PLCH2: variants seen among roughly 807,000 people sequenced by gnomAD.
The protein encoded by PLCH2 is phospholipase C eta 2, also known as 1-phosphatidylinositol 4,5-bisphosphate phosphodiesterase eta-2.
A neutral mutation model predicts 134.7 loss-of-function variants in PLCH2; 98 were observed. That is an observed-to-expected ratio of 0.73 (90% CI 0.62 to 0.86). The LOEUF is 0.86. PLCH2 is among the 40% of genes least tolerant of loss of function. The probability of loss-of-function intolerance (pLI) is 0.00; values close to 1 mark genes in which losing one functional copy is unlikely to be tolerated. For missense variants in PLCH2, 1,994 were observed against 1,986.6 expected (o/e 1.00, Z -0.07); for synonymous variants, 974 against 827.5 (o/e 1.18, Z -3.04).
At chr1:2,490,481 G>C (rs1015484189) in intron 10 of PLCH2, among the ~76,000 whole-genome samples, 1 of 150,916 alleles carries the variant, frequency 6.6e-6, no homozygotes, top group African/African-American at 2.4e-5. Flanking sequence ...GGGCTCGGGG[G>C]CGCCGATCTC....
In PLCH2 at chr1:2,476,653, TAC is replaced by T; in HGVS notation, c.66_67del (p.Leu23ProfsTer78). 1 of 1,607,122 alleles carries T rather than the reference TAC, an allele frequency of 6.2e-7. No individual in the cohort carries two copies. The highest frequency in any genetic ancestry group is 8.5e-7 in the Non-Finnish European group (1 of 1,178,052). ...GGAACGGTGGCCTGGCTGGCGGAGG[TAC>T]TCCTCTGGGTTGGAGGGAGTGTGGT... On this transcript the variant is annotated frameshift_variant, in exon 1 of 22. Coordinates refer to ENST00000378486, the MANE Select transcript of PLCH2 (RefSeq NM_014638.4). LOFTEE classifies it high-confidence loss of function.
At chr1:2,489,444 C>T (rs1334470206) in intron 9 of PLCH2, 66 bp downstream of exon 9, 1 of 1,530,304 alleles carries the variant, frequency 6.5e-7, no homozygotes, top group Non-Finnish European at 9.0e-7. Flanking sequence ...CAGTGCCCTG[C>T]TCCAGACAGG....
At chr1:2,463,345 G>A (rs1640911884), upstream of PLCH2, among the ~76,000 whole-genome samples, 1 of 152,236 alleles carries the variant, frequency 6.6e-6, no homozygotes. Context: ...ATTCCAAGGT[G>A]GTGGAGGAGC....
chr1:2,484,151 C>T (rs1642168193), intron 4 of PLCH2, among the ~76,000 whole-genome samples: 1 of 152,090 alleles, frequency 6.6e-6, no homozygotes, highest in Non-Finnish European at 1.5e-5. Context: ...ATGTTGGCTT[C>T]CGTGTGGGTA....
chr1:2,504,196 C>T lies in PLCH2; in HGVS notation c.3234C>T (p.Gly1078=), dbSNP rs1397582850. The T allele has an allele frequency of 3.9e-6, 6 of 1,548,402 alleles. No homozygotes were observed. The highest frequency in any genetic ancestry group is 2.0e-5 in the Admixed American group (1 of 49,278). Residue 1078 remains glycine, a synonymous_variant, in exon 22 of 22, where the codon GGC becomes GGT. Transcript: ENST00000378486. ...YERAPGSQTD[G]RSQPRTLGHL... ...GGGCCCCCGGCAGCCAGACGGACGG[C>T]AGGAGCCAGCCCCGGACCCTGGGCC...
intron 21 of PLCH2, chr1:2,503,669 C>T (rs765292766): frequency 4.3e-4 from 295 of 683,060 alleles, no homozygotes; most frequent in Non-Finnish European, 6.7e-4. Context: ...CCCGGTGTCC[C>T]GTGCTGTCCC....
intron 2 of PLCH2, among the ~76,000 whole-genome samples, chr1:2,443,422 C>A (rs1014853731): frequency 6.6e-6 from 1 of 152,182 alleles, no homozygotes; most frequent in African/African-American, 2.4e-5. Flanking sequence ...CCTGGGCAAA[C>A]GCCCAGCCTG....
chr1:2,465,512 G>A (rs1020058131), upstream of PLCH2, among the ~76,000 whole-genome samples: 8 of 152,168 alleles, frequency 5.3e-5, no homozygotes, highest in African/African-American at 1.9e-4. Flanking sequence ...TTCAAACGAG[G>A]AGAAAATTAA....
At chr1:2,435,150 GAGGAGTGGAGCTCACCAGGACGA>G (rs564468002) in intron 2 of PLCH2, among the ~76,000 whole-genome samples, 2 of 152,312 alleles carry the variant, frequency 1.3e-5, no homozygotes, top group Admixed American at 6.5e-5. Flanking sequence ...CTGCTGGGAG[GAGGAGTGGAGCTCACCAGGACGA>G]AGGAGAGCAT....
chr1:2,460,027 G>T (rs995288530), intron 2 of PLCH2, among the ~76,000 whole-genome samples: 3 of 152,256 alleles, frequency 2.0e-5, no homozygotes, highest in Non-Finnish European at 4.4e-5. Flanking sequence ...TGGGCCAAGC[G>T]CTCTTCTGCT....
chr1:2,478,614 A>G lies in PLCH2; in HGVS notation c.263A>G (p.Lys88Arg). Residue 88 changes from lysine (K) to arginine (R), a missense_variant, in exon 2 of 22, where the codon AAG becomes AGG. Lys to Arg is a conservative substitution (Grantham distance 26). Transcript: ENST00000378486. ...TGGAGGCCCTCACGCAAGAACGAGA[A>G]GGCCAAGAGTGAGTGGGAGCCCTGG... ...IRWRPSRKNE[K>R]AKISIDSIQE... 6.2e-7 allele frequency: 1 copy of G among 1,609,682 alleles called. No homozygotes were observed. The highest frequency in any genetic ancestry group is 8.5e-7 in the Non-Finnish European group (1 of 1,178,550).
chr1:2,504,730 C>T lies in PLCH2; in HGVS notation c.3768C>T (p.Ser1256=), dbSNP rs771578293. 15 of 1,612,460 alleles carry T rather than the reference C, an allele frequency of 9.3e-6. No homozygotes were observed. The Admixed American group carries it at 2.5e-4, about 27-fold the overall frequency. Residue 1256 remains serine, a synonymous_variant, in exon 22 of 22, where the codon AGC becomes AGT. Transcript: ENST00000378486. ...QDCPVAAKSK[S]LGDLTADDFA... ...GCCCCGTGGCTGCCAAGTCCAAGAG[C>T]CTGGGCGACCTCACTGCTGATGACT...
chr1:2,443,906 G>T (rs1000516082), intron 2 of PLCH2, among the ~76,000 whole-genome samples: 3 of 151,314 alleles, frequency 2.0e-5, no homozygotes, highest in African/African-American at 7.3e-5. Flanking sequence ...CGCCCCCGCC[G>T]CCCTCGCTGC....
At chr1:2,481,018 A>G (rs1325823936) in intron 4 of PLCH2, among the ~76,000 whole-genome samples, 1 of 152,340 alleles carries the variant, frequency 6.6e-6, no homozygotes, top group East Asian at 1.9e-4. Context: ...ATACACGCAC[A>G]CACACGCACA....
rs1204676018 is a variant in PLCH2, at chr1:2,439,808, C to T, written c.115+9179C>T. On this transcript the variant is annotated intron_variant, in intron 2 of 3. Transcript: ENST00000609981. The surrounding 1 kb of genome is among the most constrained non-coding windows in gnomAD (Gnocchi z 4.7). ...CTTCTCCACTGAGGAAAGGCATTGC[C>T]TGAGAGACACCGCAGCCAGGCCTGG... 6.6e-6 allele frequency among the ~76,000 whole-genome samples: 1 copy of T among 152,132 alleles called. No homozygotes were observed. Among genetic ancestry groups the T allele is most frequent in the Non-Finnish European group, 1.5e-5 (1 of 68,006 alleles).
At chr1:2,427,171 C>T (rs750920964) in intron 1 of PLCH2, among the ~76,000 whole-genome samples, 11 of 152,290 alleles carry the variant, frequency 7.2e-5, no homozygotes, top group Non-Finnish European at 1.0e-4. Context: ...TGTGTGACAG[C>T]GGGTGCCGGC....
chr1:2,499,237 A>G lies in PLCH2; in HGVS notation c.2581+7A>G. The stretch of plus-strand genomic sequence containing the variant: ...TTCAGCAGCATGATGCCAGGTGGGC[A>G]GGAGTGGACACGGTGCCCCCCACAC... On this transcript the variant is annotated splice_region_variant and intron_variant, in intron 19 of 21. Transcript: ENST00000378486. 2 of 1,612,442 alleles carry G rather than the reference A, an allele frequency of 1.2e-6. No homozygotes were observed. Among genetic ancestry groups the G allele is most frequent in the South Asian group, 2.2e-5 (2 of 91,018 alleles).
At chr1:2,494,620 T>C (rs1642774039) in intron 11 of PLCH2, 1 of 587,854 alleles carries the variant, frequency 1.7e-6, no homozygotes, top group African/African-American at 1.9e-5. Flanking sequence ...GGGGCCTGAC[T>C]TTCAGGCCGC....
chr1:2,454,537 G>C (rs1463009894), intron 2 of PLCH2, among the ~76,000 whole-genome samples: 2 of 152,180 alleles, frequency 1.3e-5, no homozygotes, highest in African/African-American at 4.8e-5. Context: ...AATGCACCGA[G>C]TGGACCGTGT....
Sources: allele counts gnomAD v4.1 joint callset (sites outside exome capture counted in the v4.1 genomes callset), GRCh38; gene constraint gnomAD v4.1.1; non-coding constraint Gnocchi (gnomAD v3.1); transcripts MANE v1.5; gene names NCBI Gene and HGNC (gene_info 2026-07-23, HGNC 2026-07-21).